DNAH17: variants seen among roughly 807,000 people sequenced by gnomAD.
DNAH17 encodes axonemal beta dynein heavy chain 17.
In DNAH17, 376 loss-of-function variants were observed where a neutral mutation model predicts 485.6. The observed-to-expected ratio is 0.77, with a 90% confidence interval of 0.71 to 0.84. DNAH17 has a LOEUF of 0.84. Ranked by LOEUF, DNAH17 falls within the 40% of genes least tolerant of loss-of-function variation. DNAH17 has a pLI of 0.00. For missense variants in DNAH17, 6,370 were observed against 5,839.3 expected (o/e 1.09, Z -2.96); for synonymous variants, 3,031 against 2,405.9 (o/e 1.26, Z -7.60).
chr17:78,518,251 C>G (rs1824106805), intron 25 of DNAH17, among the ~76,000 whole-genome samples: 1 of 152,138 alleles, frequency 6.6e-6, no homozygotes, highest in South Asian at 2.1e-4. Context: ...ATAAGAAACT[C>G]AGTTCAAACA....
chr17:78,474,103 G>A (rs1436647506), intron 54 of DNAH17, among the ~76,000 whole-genome samples: 1 of 152,216 alleles, frequency 6.6e-6, no homozygotes, highest in African/African-American at 2.4e-5. Flanking sequence ...AGCCTGCACT[G>A]CCCCTCCAGG....
rs368251516 is a variant in DNAH17 at position 78,428,618 on chromosome 17, C to T, written c.12495G>A (p.Thr4165=). 2.1e-5 allele frequency: 34 copies of T among 1,613,840 alleles called. 1 individual carries two copies. Among genetic ancestry groups the T allele is most frequent in the Middle Eastern group, 1.6e-4 (1 of 6,084 alleles). Residue 4165 remains threonine, a synonymous_variant, in exon 77 of 81, where the codon ACG becomes ACA. Coordinates refer to ENST00000389840, the MANE Select transcript of DNAH17 (RefSeq NM_173628.4). ...TGCGGAACAGCTTCTCTGAGGTGAC[C>T]GTCAGAAAGCCAATCTCTGCGTTGG... is the stretch of plus-strand genomic sequence containing the variant. The part of the protein sequence containing the change: ...LHPNAEIGFL[T]VTSEKLFRTV...
intron 16 of DNAH17, among the ~76,000 whole-genome samples, chr17:78,544,458 A>T (rs2091696079): frequency 6.6e-6 from 1 of 152,134 alleles, no homozygotes; most frequent in African/African-American, 2.4e-5. Flanking sequence ...AAGGGTAGAG[A>T]GTAGGGTCAG....
At chr17:78,491,189 A>G (rs567079558) in intron 43 of DNAH17, among the ~76,000 whole-genome samples, 11 of 152,146 alleles carry the variant, frequency 7.2e-5, no homozygotes, top group African/African-American at 2.7e-4. Context: ...CTACATAACC[A>G]TTTCTGCTTC....
chr17:78,425,755 G>GTTTT (rs1568032936), intron 79 of DNAH17, among the ~76,000 whole-genome samples, 184 bp from the exon 80 acceptor site: 5 of 88,314 alleles, frequency 5.7e-5, no homozygotes, highest in African/African-American at 2.1e-4. Flanking sequence ...TTTGGTGTCT[G>GTTTT]CTTTTTTTTT....
rs181353842 is a variant in DNAH17, at chr17:78,485,994, G to A, written c.7241C>T (p.Pro2414Leu). Residue 2414 changes from proline (P) to leucine (L), a missense_variant, in exon 46 of 81, where the codon CCC becomes CTC. By Grantham distance (98) the Pro-to-Leu change is moderately conservative. Coordinates refer to ENST00000389840, the MANE Select transcript of DNAH17 (RefSeq NM_173628.4). Reference protein sequence around the residue: ...KKFLPWTDKVPSFELDPDVPL... With the variant: ...KKFLPWTDKVLSFELDPDVPL... ...GACATCGGGATCCAGCTCAAAGGAGGGCACTTTATCTGTCCAGGGCAGGAA... is the reference window on the plus strand; with the variant it reads ...GACATCGGGATCCAGCTCAAAGGAGAGCACTTTATCTGTCCAGGGCAGGAA... The A allele has an allele frequency of 1.2e-3, 1,858 of 1,613,562 alleles. 4 individuals carry two copies. The highest frequency in any genetic ancestry group is 1.3e-3 in the Non-Finnish European group (1,531 of 1,179,854).
Position 78,551,522 on chromosome 17 carries a change from G to GCC in DNAH17, c.2391+11_2391+12dup. 6.2e-7 allele frequency: 1 copy of GCC among 1,611,578 alleles called. No homozygotes were observed. The highest frequency in any genetic ancestry group is 1.3e-5 in the African/African-American group (1 of 75,010). ...CCCACAAAGCCCCACTCTGTGCTCT[G>GCC]CCCCTTGCTTACCTTCATAGCCTGG... On this transcript the variant is annotated intron_variant, in intron 16 of 80. Transcript: ENST00000389840.
At chr17:78,426,674 T>G (rs769128185) in intron 78 of DNAH17, 74 bp from the exon 79 acceptor site, 1 of 1,525,226 alleles carries the variant, frequency 6.6e-7, no homozygotes, top group Non-Finnish European at 8.8e-7. Flanking sequence ...GTGCGTGTCA[T>G]GAGTTGTCAA....
At chr17:78,480,032 TTTTTTTTTTTTTTTTTTA>T (rs1484781468) in intron 49 of DNAH17, among the ~76,000 whole-genome samples, 17 of 102,172 alleles carry the variant, frequency 1.7e-4, no homozygotes, top group East Asian at 3.0e-4. Flanking sequence ...TTTTTTTTTT[TTTTTTTTTTTTTTTTTTA>T]AAAAAAGTAT....
chr17:78,484,951 G>A lies in DNAH17; in HGVS notation c.7566C>T (p.Asp2522=), dbSNP rs547415633. 6.1e-5 allele frequency: 98 copies of A among 1,612,484 alleles called. 1 individual carries two copies. The East Asian group carries it at 6.9e-4, about 11-fold the overall frequency. ...PGTKKLVYFI[D]DMNMPEVDKY... is the part of the protein sequence containing the mutation. ...TGTCCACCTCGGGCATGTTCATGTCGTCGATGAAGTAGACGAGCTTCTTAG... is the reference window on the plus strand; with the variant it reads ...TGTCCACCTCGGGCATGTTCATGTCATCGATGAAGTAGACGAGCTTCTTAG... The change falls in exon 48 of 81, where the codon GAC becomes GAT. Residue 2522 remains aspartate, a synonymous_variant. Transcript: ENST00000389840.
rs1314359706 is a variant in DNAH17 at position 78,530,323 on chromosome 17, G to C, written c.3284+20C>G. ...TCTGCACATTCCTTGGGCTCCCCGA[G>C]TACATGGCTGGGGACCCACCTGTTG... On this transcript the variant is annotated intron_variant, in intron 21 of 80. Transcript: ENST00000389840. 1.9e-6 allele frequency: 3 copies of C among 1,593,550 alleles called. No homozygotes were observed. The highest frequency in any genetic ancestry group is 2.3e-5 in the East Asian group (1 of 44,352).
At chr17:78,480,649 G>A (rs2089307735) in intron 49 of DNAH17, 35 bp downstream of exon 49, 1 of 1,561,354 alleles carries the variant, frequency 6.4e-7, no homozygotes, top group African/African-American at 1.4e-5. Context: ...TCAGACTCAT[G>A]GCAGGTGACG....
At chr17:78,570,879 G>GAAAAGAAA (rs1568273020) in intron 6 of DNAH17, 69 bp downstream of exon 6, 2 of 488,442 alleles carry the variant, frequency 4.1e-6, no homozygotes, top group Admixed American at 6.0e-5. Context: ...AAAAAAAAAA[G>GAAAAGAAA]AAAAAAGAAA....
rs772530268 is a variant in DNAH17 at position 78,428,523 on chromosome 17, G to A, written c.12588+2C>T. 1.3e-6 allele frequency: 2 copies of A among 1,595,970 alleles called. No homozygotes were observed. Among genetic ancestry groups the A allele is most frequent in the Admixed American group, 1.8e-5 (1 of 56,528 alleles). On this transcript the variant is annotated splice_donor_variant, in intron 77 of 80. Coordinates refer to ENST00000389840, the MANE Select transcript of DNAH17 (RefSeq NM_173628.4). LOFTEE classifies it low-confidence loss of function (GC_TO_GT_DONOR). ...GCTTGGGAGCAGTTTCAAAGATCCT[G>A]CCTTCTCCTCGCGGGACACTCCCGT...
chr17:78,509,788 G>T (rs1182365532), intron 27 of DNAH17, among the ~76,000 whole-genome samples: 2 of 152,166 alleles, frequency 1.3e-5, no homozygotes, highest in Non-Finnish European at 2.9e-5. Flanking sequence ...AGACGCTTGA[G>T]GCAAAGGAAA....
intron 21 of DNAH17, 49 bp downstream of exon 21, chr17:78,530,294 G>A: frequency 6.5e-7 from 1 of 1,536,872 alleles, no homozygotes; most frequent in Non-Finnish European, 8.8e-7. Context: ...CCACTCCCTG[G>A]TGCTCTGCAC....
chr17:78,493,001 T>C (rs756406836), intron 41 of DNAH17: 6 of 361,340 alleles, frequency 1.7e-5, no homozygotes, highest in Non-Finnish European at 2.5e-5. Context: ...CAGGCGCCCA[T>C]GACCACACCC....
chr17:78,508,166 T>C (rs761388128), intron 27 of DNAH17, among the ~76,000 whole-genome samples: 11 of 152,136 alleles, frequency 7.2e-5, no homozygotes, highest in South Asian at 2.1e-4. Context: ...CATCCTGCAA[T>C]TGACAATTTT....
At chr17:78,441,464 G>A (rs1052554168) in intron 71 of DNAH17, among the ~76,000 whole-genome samples, 1 of 152,144 alleles carries the variant, frequency 6.6e-6, no homozygotes, top group African/African-American at 2.4e-5. Context: ...GCAGGGAGAG[G>A]CCAGCCTTGG....
Sources: gnomAD v4.1 joint callset for allele counts (sites outside exome capture counted in the v4.1 genomes callset) on GRCh38, gnomAD v4.1.1 for gene constraint, MANE v1.5 for transcripts, NCBI Gene and HGNC (gene_info 2026-07-23, HGNC 2026-07-21) for gene names.